TAFA1: variants seen among roughly 807,000 people sequenced by gnomAD.
TAFA1 encodes the protein chemokine-like protein TAFA-1.
TAFA1 carries 4 observed loss-of-function variants against 18.5 expected under a neutral mutation model. That is an observed-to-expected ratio of 0.22 (90% confidence interval 0.11 to 0.49). The LOEUF is 0.49. TAFA1 is among the 20% of genes least tolerant of loss of function. The pLI is 0.98. For synonymous variants in TAFA1, 56 were observed against 55.2 expected (o/e 1.01, Z -0.06); for missense variants, 147 against 169.0 (o/e 0.87, Z 0.72).
At chr3:68,135,478 A>G (rs1400152477) in intron 2 of TAFA1, among the ~76,000 whole-genome samples, 1 of 152,204 alleles carries the variant, frequency 6.6e-6, no homozygotes, top group Non-Finnish European at 1.5e-5. Context: ...TCTAGAGTCT[A>G]CAAGACCCAG....
At chr3:68,415,263 C>T (rs17047650) in intron 2 of TAFA1, among the ~76,000 whole-genome samples, 23,653 of 152,192 alleles carry the variant, frequency 0.16, 2,429 homozygotes, top group East Asian at 0.35. Context: ...CACACCAGTC[C>T]TTTGTTCCAA....
intron 2 of TAFA1, among the ~76,000 whole-genome samples, chr3:68,370,431 CATATATAT>C (rs1262257178): frequency 1.3e-5 from 1 of 76,708 alleles, no homozygotes; most frequent in Admixed American, 1.7e-4. Flanking sequence ...CACACACACA[CATATATAT>C]ACATATGTAT....
At chr3:68,021,114 A>T (rs1250935853) in intron 2 of TAFA1, among the ~76,000 whole-genome samples, 1 of 137,306 alleles carries the variant, frequency 7.3e-6, no homozygotes, top group Non-Finnish European at 1.5e-5. Context: ...TGAACCTGGG[A>T]GGCAGAGGCT....
At chr3:68,435,061 A>G (rs1226753714) in intron 3 of TAFA1, among the ~76,000 whole-genome samples, 1 of 152,148 alleles carries the variant, frequency 6.6e-6, no homozygotes, top group Non-Finnish European at 1.5e-5. Flanking sequence ...GCTCTGATGG[A>G]GATGAGCCCA....
intron 2 of TAFA1, among the ~76,000 whole-genome samples, chr3:68,362,414 G>A (rs1000819473): frequency 6.6e-6 from 1 of 152,120 alleles, no homozygotes; most frequent in Non-Finnish European, 1.5e-5. Flanking sequence ...ACTGAAGACG[G>A]AGAAATGGTA....
chr3:68,051,491 G>A (rs1351963658), intron 2 of TAFA1, among the ~76,000 whole-genome samples: 1 of 152,076 alleles, frequency 6.6e-6, no homozygotes, highest in African/African-American at 2.4e-5. Context: ...TCCTAACTAG[G>A]GAAGAGTGGG....
At chr3:68,190,670 C>T (rs2066325809) in intron 2 of TAFA1, among the ~76,000 whole-genome samples, 1 of 151,734 alleles carries the variant, frequency 6.6e-6, no homozygotes, top group Non-Finnish European at 1.5e-5. Flanking sequence ...GATCCATAGC[C>T]TTAGTTTCTT....
chr3:68,082,697 A>T (rs2064920417), intron 2 of TAFA1, among the ~76,000 whole-genome samples: 1 of 152,160 alleles, frequency 6.6e-6, no homozygotes, highest in Admixed American at 6.5e-5. Flanking sequence ...TTGTATTATA[A>T]TACTTTGTTT....
intron 2 of TAFA1, among the ~76,000 whole-genome samples, chr3:68,260,149 C>T (rs1397123541): frequency 6.6e-6 from 1 of 151,940 alleles, no homozygotes; most frequent in African/African-American, 2.4e-5. Context: ...TAGCATGAAG[C>T]GTTGTTGAAT....
At chr3:68,078,554 A>G (rs1395577785) in intron 2 of TAFA1, among the ~76,000 whole-genome samples, 1 of 152,256 alleles carries the variant, frequency 6.6e-6, no homozygotes, top group African/African-American at 2.4e-5. Flanking sequence ...CCTTTTCTGC[A>G]TCTATTGAGA....
At chr3:68,530,387 C>T (rs1181705719) in intron 3 of TAFA1, among the ~76,000 whole-genome samples, 1 of 152,092 alleles carries the variant, frequency 6.6e-6, no homozygotes, top group Non-Finnish European at 1.5e-5. Flanking sequence ...TGCTCTATAG[C>T]AATATGACCT....
At chr3:68,118,848 T>C (rs1486362648) in intron 2 of TAFA1, among the ~76,000 whole-genome samples, 1 of 152,196 alleles carries the variant, frequency 6.6e-6, no homozygotes, top group African/African-American at 2.4e-5. Flanking sequence ...GATGTATAAA[T>C]ATTTTTTGAG....
At chr3:68,110,110 C>T (rs1411436155) in intron 2 of TAFA1, among the ~76,000 whole-genome samples, 1 of 152,148 alleles carries the variant, frequency 6.6e-6, no homozygotes, top group African/African-American at 2.4e-5. Context: ...ATTAGCTATT[C>T]TTTGTGATGA....
At chr3:68,441,694 A>T (rs1425133933) in intron 3 of TAFA1, among the ~76,000 whole-genome samples, 2 of 152,196 alleles carry the variant, frequency 1.3e-5, no homozygotes, top group East Asian at 3.9e-4. Context: ...CATGGTCTCC[A>T]CCTCTGCCAC....
At chr3:68,529,832 A>T (rs576076709) in intron 3 of TAFA1, among the ~76,000 whole-genome samples, 39 of 152,224 alleles carry the variant, frequency 2.6e-4, no homozygotes, top group Non-Finnish European at 4.6e-4. Context: ...CCACCCGATA[A>T]CTCAAATGCC....
At chr3:68,054,170 T>C (rs1396339564) in intron 2 of TAFA1, among the ~76,000 whole-genome samples, 1 of 152,190 alleles carries the variant, frequency 6.6e-6, no homozygotes, top group African/African-American at 2.4e-5. Flanking sequence ...CATTGAAATG[T>C]GATCCCCAGT....
At chr3:68,143,028 C>A (rs1050084119) in intron 2 of TAFA1, among the ~76,000 whole-genome samples, 1 of 152,050 alleles carries the variant, frequency 6.6e-6, no homozygotes, top group Non-Finnish European at 1.5e-5. Flanking sequence ...GATGCCTCAC[C>A]TAGGGAACTC....
chr3:68,468,037 T>A (rs1421119371), intron 3 of TAFA1, among the ~76,000 whole-genome samples: 1 of 152,198 alleles, frequency 6.6e-6, no homozygotes, highest in Non-Finnish European at 1.5e-5. Context: ...CAAGATATGA[T>A]TATCTAGTCC....
At chr3:68,426,283 A>G (rs2071052032) in intron 3 of TAFA1, among the ~76,000 whole-genome samples, 1 of 151,864 alleles carries the variant, frequency 6.6e-6, no homozygotes, top group South Asian at 2.1e-4. Context: ...TTTCTTTCTC[A>G]CTAATCCTCT....
Sources: allele counts gnomAD v4.1 joint callset (sites outside exome capture counted in the v4.1 genomes callset), GRCh38; gene constraint gnomAD v4.1.1; transcripts MANE v1.5; gene names NCBI Gene and HGNC (gene_info 2026-07-23, HGNC 2026-07-21).